The following DCTN2 variants were observed in gnomAD, a reference collection of about 807,000 sequenced individuals.
The protein encoded by DCTN2 is 50 kDa dynein-associated polypeptide.
Under a neutral mutation model 55.4 loss-of-function variants are expected in DCTN2, and 18 were observed. That is an observed-to-expected ratio of 0.32 (90% CI 0.22 to 0.48). The LOEUF is 0.48. Ranked by LOEUF, DCTN2 falls within the 20% of genes least tolerant of loss-of-function variation. The probability of loss-of-function intolerance (pLI) is 0.99; values close to 1 mark genes in which losing one functional copy is unlikely to be tolerated. For synonymous variants in DCTN2, 168 were observed against 185.2 expected, an observed-to-expected ratio of 0.91 and a Z score of 0.76; for missense variants, 390 against 491.0, an observed-to-expected ratio of 0.79 and a Z score of 1.94.
chr12:57,534,038 GT>G lies in DCTN2; in HGVS notation c.583del (p.Thr195ProfsTer37), dbSNP rs772159855. On this transcript the variant is annotated frameshift_variant, in exon 7 of 14. Coordinates refer to ENST00000548249, the MANE Select transcript of DCTN2 (RefSeq NM_001261413.2). LOFTEE classifies it high-confidence loss of function. ...GCTGCTATCTGGGGGGGTCCCAGTG[GT>G]TTTTCCCCCTGATCCCCCTTTGCTG... ...KNSKGGSGGK[T>X]TGTPPDSSLV... The G allele has an allele frequency of 6.2e-7, 1 of 1,613,512 alleles. No individual in the cohort carries two copies. Among genetic ancestry groups the G allele is most frequent in the Non-Finnish European group, 8.5e-7 (1 of 1,179,676 alleles).
At chr12:57,532,701 A>C in intron 10 of DCTN2, 32 bp downstream of exon 10, 1 of 1,613,684 alleles carries the variant, frequency 6.2e-7, no homozygotes, top group Non-Finnish European at 8.5e-7. Flanking sequence ...GTCCCAAGCT[A>C]TCCATAATTT....
chr12:57,534,679 A>AT (rs1439611339), intron 5 of DCTN2: 14 of 500,632 alleles, frequency 2.8e-5, no homozygotes, highest in Admixed American at 2.7e-4. Context: ...TCTTTCTTTC[A>AT]TTTTTTGAGA....
At chr12:57,543,827 C>T in intron 2 of DCTN2, 1 of 1,289,598 alleles carries the variant, frequency 7.8e-7, no homozygotes, top group Non-Finnish European at 1.0e-6. Flanking sequence ...GGCAACATGC[C>T]ACAGGAAATG....
At chr12:57,539,234 C>T (rs1156513436) in intron 2 of DCTN2, among the ~76,000 whole-genome samples, 1 of 152,222 alleles carries the variant, frequency 6.6e-6, no homozygotes, top group Admixed American at 6.5e-5. Flanking sequence ...CAGAGCTGCT[C>T]CTGGTCCCTT....
At position 57,535,051 on chromosome 12, in the gene DCTN2, G is replaced by T. The variant is rs745346969; in HGVS notation, c.363+5C>A. ...CAGAGAAGGGAGAAGAGAGTTTGTA[G>T]TTACCTTGATTTTTTCAACTTCAGT... On this transcript the variant is annotated splice_donor_5th_base_variant and intron_variant, in intron 5 of 13. Coordinates refer to ENST00000548249, the MANE Select transcript of DCTN2 (RefSeq NM_001261413.2). 1 of 1,610,588 alleles carries T rather than the reference G, an allele frequency of 6.2e-7. No individual in the cohort carries two copies. The highest frequency in any genetic ancestry group is 8.5e-7 in the Non-Finnish European group (1 of 1,177,476).
At position 57,530,693 on chromosome 12, in the gene DCTN2, T is replaced by C; in HGVS notation, c.1202A>G (p.Lys401Arg). The C allele has an allele frequency of 6.2e-7, 1 of 1,613,762 alleles. No homozygotes were observed. The highest frequency in any genetic ancestry group is 8.5e-7 in the Non-Finnish European group (1 of 1,179,700). ...SIDERMKKLG[K>R] is the part of the protein sequence containing the mutation. ...TTCTCCAGCTCCCAAATGTGCTCAC[T>C]TTCCCAGCTTCTTCATCCGTTCATC... The change falls in exon 14 of 14, where the codon AAG (lysine) becomes AGG (arginine). Residue 401 changes from lysine (K) to arginine (R), a missense_variant. By Grantham distance (26) the Lys-to-Arg change is conservative (BLOSUM62 2). Around this residue, in one of 2 missense-constraint regions of DCTN2, gnomAD observed 273 missense variants for 303.2 expected, o/e 0.90. Coordinates refer to ENST00000548249, the MANE Select transcript of DCTN2 (RefSeq NM_001261413.2).
At chr12:57,538,920 G>A (rs907121466) in intron 2 of DCTN2, among the ~76,000 whole-genome samples, 1 of 152,240 alleles carries the variant, frequency 6.6e-6, no homozygotes, top group African/African-American at 2.4e-5. Flanking sequence ...ATTAGAAATG[G>A]TAGAAGATGA....
At chr12:57,536,020 T>C in intron 2 of DCTN2, 175 bp from the exon 3 acceptor site, 1 of 598,400 alleles carries the variant, frequency 1.7e-6, no homozygotes, top group Non-Finnish European at 3.0e-6. Context: ...TGAAGCTTCC[T>C]GGTAAATTTG....
chr12:57,544,457 C>G (rs1490976046), intron 2 of DCTN2, among the ~76,000 whole-genome samples: 8 of 150,940 alleles, frequency 5.3e-5, no homozygotes, highest in Non-Finnish European at 1.2e-4. Context: ...CTCTGTCACC[C>G]AGGCTGGGGT....
chr12:57,541,367 T>G, intron 2 of DCTN2: 1 of 1,599,100 alleles, frequency 6.3e-7, no homozygotes, highest in Non-Finnish European at 8.5e-7. Context: ...GTCTTACTTG[T>G]GCAAACTAGT....
rs1337243890 is a variant in DCTN2, at chr12:57,532,658, T to A, written c.853-15A>T. On this transcript the variant is annotated splice_polypyrimidine_tract_variant and intron_variant, in intron 10 of 13. Coordinates refer to ENST00000548249, the MANE Select transcript of DCTN2 (RefSeq NM_001261413.2). ...CCCAGGACACTCTGAAAACACAGATTTTAAGGTTGATAGGGCATCCAGGGC... is the reference window on the plus strand; with the variant it reads ...CCCAGGACACTCTGAAAACACAGATATTAAGGTTGATAGGGCATCCAGGGC... 6.2e-7 allele frequency: 1 copy of A among 1,613,946 alleles called. No individual in the cohort carries two copies. Among genetic ancestry groups the A allele is most frequent in the East Asian group, 2.2e-5 (1 of 44,874 alleles).
intron 2 of DCTN2, among the ~76,000 whole-genome samples, chr12:57,536,250 C>T (rs1375296690): frequency 6.6e-6 from 1 of 152,230 alleles, no homozygotes; most frequent in Non-Finnish European, 1.5e-5. Context: ...CATTTTAATG[C>T]TAACCTCCCA....
intron 5 of DCTN2, 52 bp from the exon 6 acceptor site, chr12:57,534,504 C>CA (rs1195999895): frequency 7.8e-6 from 12 of 1,537,942 alleles, no homozygotes; most frequent in South Asian, 1.2e-5. Context: ...AATCAAGAAG[C>CA]AAAAAAATAG....
chr12:57,543,862 T>A (rs1880910931), intron 2 of DCTN2: 1 of 1,274,230 alleles, frequency 7.8e-7, no homozygotes, highest in African/African-American at 1.5e-5. Flanking sequence ...CCTCTCCTCA[T>A]CAGCCACCCC....
intron 8 of DCTN2, 21 bp downstream of exon 8, chr12:57,533,217 A>G: frequency 1.9e-6 from 3 of 1,612,622 alleles, no homozygotes; most frequent in Non-Finnish European, 2.5e-6. Flanking sequence ...GGCTCAGATT[A>G]TGTACAGGAG....
chr12:57,531,971 C>G (rs937377010), intron 13 of DCTN2, 44 bp downstream of exon 13: 16 of 1,552,150 alleles, frequency 1.0e-5, no homozygotes, highest in Non-Finnish European at 1.4e-5. Context: ...ACCTAGTTTG[C>G]ACATGCTGGA....
chr12:57,530,647 CAG>C lies in DCTN2; in HGVS notation c.*40_*41del. The C allele has an allele frequency of 6.5e-7, 1 of 1,535,026 alleles. No homozygotes were observed. Among genetic ancestry groups the C allele is most frequent in the Non-Finnish European group, 9.0e-7 (1 of 1,111,412 alleles). ...CTATGTAAGCTGTTAACAGAGTTCA[CAG>C]GGGTAGGGATAACCCCTGTTCTCCA... On this transcript the variant is annotated 3_prime_UTR_variant, in exon 14 of 14. Coordinates refer to ENST00000548249, the MANE Select transcript of DCTN2 (RefSeq NM_001261413.2).
intron 1 of DCTN2, 93 bp downstream of exon 1, chr12:57,546,935 G>C (rs963429140): frequency 9.5e-6 from 10 of 1,052,392 alleles, no homozygotes; most frequent in African/African-American, 3.3e-5. Flanking sequence ...AGGATGGGCT[G>C]CAGGCGGGAG....
At chr12:57,540,550 G>C (rs1594891073) in intron 2 of DCTN2, among the ~76,000 whole-genome samples, 1 of 152,160 alleles carries the variant, frequency 6.6e-6, no homozygotes, top group South Asian at 2.1e-4. Flanking sequence ...AGACCCCCCA[G>C]GGCTGTTTGG....
Sources: allele counts gnomAD v4.1 joint callset (sites outside exome capture counted in the v4.1 genomes callset), GRCh38; gene constraint gnomAD v4.1.1; regional missense constraint gnomAD v4.1.1; transcripts MANE v1.5; gene names NCBI Gene and HGNC (gene_info 2026-07-23, HGNC 2026-07-21).